The following CELA2B variants were observed in gnomAD, a reference collection of about 807,000 sequenced individuals.
CELA2B encodes chymotrypsin like elastase 2B.
Under a neutral mutation model 36.5 loss-of-function variants are expected in CELA2B, and 27 were observed. The ratio of observed to expected loss-of-function variants is 0.74; its 90% CI spans 0.55 to 1.02. CELA2B has a LOEUF of 1.02. CELA2B is among the 50% of genes least tolerant of loss of function. CELA2B has a pLI of 0.00. For missense variants in CELA2B, 340 were observed against 347.8 expected (o/e 0.98, Z 0.18); for synonymous variants, 143 against 148.5 (o/e 0.96, Z 0.27).
chr1:15,489,873 TTTTTG>T (rs1304168699), intron 7 of CELA2B, among the ~76,000 whole-genome samples: 16 of 152,068 alleles, frequency 1.1e-4, no homozygotes, highest in Non-Finnish European at 1.8e-4. Context: ...GTAATCATTG[TTTTTG>T]TTTTGTTTTT....
chr1:15,486,901 A>C (rs530111466), intron 6 of CELA2B, among the ~76,000 whole-genome samples: 6 of 152,316 alleles, frequency 3.9e-5, no homozygotes, highest in African/African-American at 1.2e-4. Context: ...GGAAGACAGA[A>C]CCAGTGGGGA....
chr1:15,491,194 CACTT>C, intron 7 of CELA2B, 97 bp from the exon 8 acceptor site: 2 of 1,399,060 alleles, frequency 1.4e-6, no homozygotes, highest in Middle Eastern at 1.9e-4. Context: ...GCCTGTGACT[CACTT>C]GAGTAGCTTA....
rs6691434 is a variant in CELA2B at position 15,485,499 on chromosome 1, A to G, written c.494-402A>G. 4.8e-3 allele frequency among the ~76,000 whole-genome samples: 726 copies of G among 152,376 alleles called. 6 individuals carry two copies. The highest frequency in any genetic ancestry group is 0.022 in the East Asian group (112 of 5,186). On this transcript the variant is annotated intron_variant, in intron 5 of 7. Transcript: ENST00000375910. ...AGCCAGGCATCAGGAAGAGACTAGA[A>G]TCAGGGGCTGGAAGCCTGTGAGAAA... is the stretch of plus-strand genomic sequence containing the variant.
intron 7 of CELA2B, among the ~76,000 whole-genome samples, chr1:15,487,993 T>C (rs1235179132): frequency 6.6e-6 from 1 of 152,224 alleles, no homozygotes; most frequent in African/African-American, 2.4e-5. Flanking sequence ...CTTGTAAATG[T>C]AAACTCAGAG....
At chr1:15,476,375 TG>T in intron 1 of CELA2B, 81 bp from the exon 2 acceptor site, 1 of 1,474,056 alleles carries the variant, frequency 6.8e-7, no homozygotes, top group Non-Finnish European at 9.5e-7. Context: ...GTTTTCTATT[TG>T]GGGGTTCAGA....
At position 15,483,285 on chromosome 1, in the gene CELA2B, A is replaced by C; in HGVS notation, c.378A>C (p.Lys126Asn). 6.2e-7 allele frequency: 1 copy of C among 1,613,806 alleles called. No homozygotes were observed. The highest frequency in any genetic ancestry group is 8.5e-7 in the Non-Finnish European group (1 of 1,179,880). Reference sequence around the variant, plus strand: ...CCAGGAACGACATTGCCCTGCTCAAACTGGCTAACCCCGTCTCCCTCACCG... The same window carrying C: ...CCAGGAACGACATTGCCCTGCTCAACCTGGCTAACCCCGTCTCCCTCACCG... The part of the protein sequence containing the change: ...VSKGNDIALL[K>N]LANPVSLTDK... Residue 126 changes from lysine (K) to asparagine (N), a missense_variant, in exon 5 of 8, where the codon AAA becomes AAC. Physicochemically the swap from Lys to Asn is moderately conservative, Grantham distance 94. Coordinates refer to ENST00000375910, the MANE Select transcript of CELA2B (RefSeq NM_015849.3).
Position 15,481,197 on chromosome 1 carries a change from T to C in CELA2B, c.227+2T>C. 6.2e-7 allele frequency: 1 copy of C among 1,614,190 alleles called. No homozygotes were observed. Among genetic ancestry groups the C allele is most frequent in the East Asian group, 2.2e-5 (1 of 44,884 alleles). ...CCTGACGGCTGCCCACTGCATCAGG[T>C]AACTGCCATTCCCTGGGCGCTTGGC... On this transcript the variant is annotated splice_donor_variant, in intron 3 of 7. Transcript: ENST00000375910. LOFTEE classifies it high-confidence loss of function.
chr1:15,479,494 C>A (rs370773127), intron 2 of CELA2B, among the ~76,000 whole-genome samples: 10 of 152,084 alleles, frequency 6.6e-5, no homozygotes, highest in African/African-American at 1.9e-4. Flanking sequence ...TGCAATGAGC[C>A]AATATCGTGC....
In CELA2B at chr1:15,483,168, G is replaced by A. The variant is rs143869575; in HGVS notation, c.357-96G>A. 268 of 1,569,720 alleles carry A rather than the reference G, an allele frequency of 1.7e-4. 2 individuals carry two copies. In the African/African-American group the frequency reaches 3.3e-3, roughly 20 times the overall value. ...GCCGGTCAGAGCAACCTGGGGTAAC[G>A]TACAGGGAAGATGACAAGGTCTCCA... On this transcript the variant is annotated intron_variant, in intron 4 of 7. Transcript: ENST00000375910.
intron 3 of CELA2B, 117 bp downstream of exon 3, chr1:15,481,312 C>T: frequency 8.3e-7 from 1 of 1,199,120 alleles, no homozygotes; most frequent in African/African-American, 1.5e-5. Flanking sequence ...AACCACTAGC[C>T]TGGCCGAGAC....
intron 2 of CELA2B, among the ~76,000 whole-genome samples, chr1:15,478,455 C>G (rs1209020379): frequency 6.6e-6 from 1 of 151,910 alleles, no homozygotes; most frequent in African/African-American, 2.4e-5. Flanking sequence ...GTTGGTCAGG[C>G]TGGTCTCTAA....
At chr1:15,480,742 C>T (rs1238905212) in intron 2 of CELA2B, among the ~76,000 whole-genome samples, 1 of 152,060 alleles carries the variant, frequency 6.6e-6, no homozygotes, top group Non-Finnish European at 1.5e-5. Flanking sequence ...AACTATAATT[C>T]AGGATGAGAT....
intron 5 of CELA2B, among the ~76,000 whole-genome samples, chr1:15,483,886 G>A (rs1396108427): frequency 4.0e-5 from 6 of 151,560 alleles, no homozygotes; most frequent in African/African-American, 1.5e-4. Flanking sequence ...CCAAGATTGC[G>A]CTGCTGCACT....
intron 7 of CELA2B, among the ~76,000 whole-genome samples, chr1:15,488,059 C>T (rs1372992266): frequency 6.6e-6 from 1 of 152,214 alleles, no homozygotes; most frequent in East Asian, 1.9e-4. Flanking sequence ...AATGAACACA[C>T]ATTTTTTATA....
intron 5 of CELA2B, 71 bp from the exon 6 acceptor site, chr1:15,485,830 G>A: frequency 1.3e-6 from 2 of 1,573,454 alleles, no homozygotes; most frequent in Non-Finnish European, 1.7e-6. Flanking sequence ...GGGAAATCCA[G>A]TAGGGGTCCA....
At chr1:15,476,366 T>C in intron 1 of CELA2B, 91 bp from the exon 2 acceptor site, 1 of 1,455,870 alleles carries the variant, frequency 6.9e-7, no homozygotes, top group Non-Finnish European at 9.6e-7. Context: ...AGAACAAGGG[T>C]TTTCTATTTG....
chr1:15,478,997 G>C (rs1708709662), intron 2 of CELA2B, among the ~76,000 whole-genome samples: 2 of 152,186 alleles, frequency 1.3e-5, no homozygotes, highest in Non-Finnish European at 2.9e-5. Context: ...TTAGCCCGGG[G>C]GGGAATGAGG....
At position 15,486,042 on chromosome 1, in the gene CELA2B, G is replaced by C; in HGVS notation, c.635G>C (p.Cys212Ser). The C allele has an allele frequency of 1.2e-6, 2 of 1,612,400 alleles. No individual in the cohort carries two copies. Among genetic ancestry groups the C allele is most frequent in the Non-Finnish European group, 1.7e-6 (2 of 1,178,686 alleles). ...GGGGGTGATGGCGTGATATGCACCT[G>C]CAACGTGAGTACCAAAAATCAGGGG... ...CAGGDGVICT[C>S]NGDSGGPLNC... is the part of the protein sequence containing the mutation. Residue 212 changes from cysteine (C) to serine (S), a missense_variant, in exon 6 of 8, where the codon TGC (cysteine) becomes TCC (serine). Coordinates refer to ENST00000375910, the MANE Select transcript of CELA2B (RefSeq NM_015849.3).
chr1:15,477,379 T>C (rs868440229), intron 2 of CELA2B, among the ~76,000 whole-genome samples: 6 of 152,338 alleles, frequency 3.9e-5, no homozygotes, highest in Middle Eastern at 6.8e-3. Context: ...AAAAGAAATG[T>C]GTAAAGTTTA....
Sources: gnomAD v4.1 joint callset for allele counts (sites outside exome capture counted in the v4.1 genomes callset) on GRCh38, gnomAD v4.1.1 for gene constraint, MANE v1.5 for transcripts, NCBI Gene and HGNC (gene_info 2026-07-23, HGNC 2026-07-21) for gene names.